The following CNBD1 variants were observed in gnomAD, a reference collection of about 807,000 sequenced individuals.
CNBD1 encodes the protein cyclic nucleotide binding domain containing 1, also known as cyclic nucleotide-binding domain-containing protein 1.
In CNBD1, 71 loss-of-function variants were observed where a neutral mutation model predicts 54.4. That is an observed-to-expected ratio of 1.30 (90% confidence interval 1.08 to 1.59). The LOEUF (loss-of-function observed/expected upper bound fraction) is 1.59, where lower values mean the gene tolerates loss of function less well. CNBD1 is among the 40% of genes most tolerant of loss of function. CNBD1 has a pLI of 0.00. For missense variants in CNBD1, 659 were observed against 518.0 expected (o/e 1.27, Z -2.64); for synonymous variants, 182 against 170.7 (o/e 1.07, Z -0.51).
chr8:87,137,143 T>C (rs1812269315), intron 4 of CNBD1, among the ~76,000 whole-genome samples: 1 of 138,848 alleles, frequency 7.2e-6, no homozygotes, highest in Non-Finnish European at 1.5e-5. Flanking sequence ...AAATTATATA[T>C]ATATTTTTAT....
At chr8:87,063,356 A>G (rs538584109) in intron 4 of CNBD1, among the ~76,000 whole-genome samples, 6 of 152,342 alleles carry the variant, frequency 3.9e-5, no homozygotes, top group African/African-American at 1.4e-4. Flanking sequence ...TGGATATCCA[A>G]TTGCCCCAGC....
At chr8:87,366,685 A>G (rs1810649285) in intron 10 of CNBD1, among the ~76,000 whole-genome samples, 1 of 152,002 alleles carries the variant, frequency 6.6e-6, no homozygotes, top group Non-Finnish European at 1.5e-5. Flanking sequence ...CTGCTACCAT[A>G]GTGCTGGAGG....
At chr8:87,120,210 T>C (rs1182332084) in intron 4 of CNBD1, among the ~76,000 whole-genome samples, 1 of 152,068 alleles carries the variant, frequency 6.6e-6, no homozygotes, top group Non-Finnish European at 1.5e-5. Context: ...GGTTCTGGGC[T>C]TTTCTTTTTT....
chr8:86,919,104 T>G (rs1269807090), intron 3 of CNBD1, among the ~76,000 whole-genome samples: 1 of 151,982 alleles, frequency 6.6e-6, no homozygotes, highest in Non-Finnish European at 1.5e-5. Flanking sequence ...TCAACAAGAC[T>G]GAAAAATAAA....
At chr8:87,039,667 C>T (rs1411476281) in intron 4 of CNBD1, among the ~76,000 whole-genome samples, 1 of 152,200 alleles carries the variant, frequency 6.6e-6, no homozygotes, top group Admixed American at 6.5e-5. Flanking sequence ...TCATGCAGGG[C>T]TGGCTGTGCT....
At chr8:86,898,283 T>C (rs1015126366) in intron 2 of CNBD1, among the ~76,000 whole-genome samples, 1 of 152,154 alleles carries the variant, frequency 6.6e-6, no homozygotes, top group Non-Finnish European at 1.5e-5. Flanking sequence ...AAAAGTTCAA[T>C]GTTAAGTGAT....
chr8:87,378,100 A>G (rs1236303550), intron 10 of CNBD1, among the ~76,000 whole-genome samples: 27 of 143,606 alleles, frequency 1.9e-4, no homozygotes, highest in Admixed American at 1.1e-3. Flanking sequence ...CCATTTTGTA[A>G]GTTGCCTGTT....
At chr8:87,338,976 A>G (rs1810009379) in intron 8 of CNBD1, among the ~76,000 whole-genome samples, 1 of 152,100 alleles carries the variant, frequency 6.6e-6, no homozygotes, top group Non-Finnish European at 1.5e-5. Context: ...TGTGCTTCAC[A>G]GTTTTCTCTT....
At chr8:86,930,367 G>A (rs1809436371) in intron 3 of CNBD1, among the ~76,000 whole-genome samples, 1 of 152,162 alleles carries the variant, frequency 6.6e-6, no homozygotes, top group Admixed American at 6.5e-5. Flanking sequence ...GTAGCCTGCT[G>A]GCAGGAGGCT....
intron 4 of CNBD1, among the ~76,000 whole-genome samples, chr8:87,089,903 A>G (rs148046724): frequency 1.4e-4 from 22 of 152,276 alleles, no homozygotes; most frequent in African/African-American, 5.1e-4. Flanking sequence ...AAAATTAGAT[A>G]TTCAGATACC....
chr8:86,972,821 A>G (rs974140708), intron 4 of CNBD1, among the ~76,000 whole-genome samples: 11 of 152,260 alleles, frequency 7.2e-5, no homozygotes, highest in African/African-American at 2.6e-4. Flanking sequence ...CTGTTAGACG[A>G]GGTTGGCTGT....
At chr8:87,323,170 G>A (rs1438633067) in intron 8 of CNBD1, among the ~76,000 whole-genome samples, 2 of 123,928 alleles carry the variant, frequency 1.6e-5, no homozygotes, top group African/African-American at 6.2e-5. Flanking sequence ...CTATATCTCT[G>A]TTTTGGTACC....
chr8:87,389,625 T>C lies in CNBD1; in HGVS notation c.213+35839T>C, dbSNP rs187320620. On this transcript the variant is annotated intron_variant, in intron 2 of 7. Coordinates refer to the CNBD1 transcript ENST00000521593. ...GAGGATACAAACAAATGGAAGAACA[T>C]TCCATGCCCATGGGTAGGAAGAATC... 7.2e-3 allele frequency among the ~76,000 whole-genome samples: 1,091 copies of C among 152,214 alleles called. 12 individuals are homozygous for C. The highest frequency in any genetic ancestry group is 0.025 in the African/African-American group (1,029 of 41,534).
Position 87,059,632 on chromosome 8 carries a change from A to G in CNBD1, c.431+119878A>G, listed in dbSNP as rs147518276. Among the ~76,000 whole-genome samples, 140 of 152,308 alleles carry G rather than the reference A, an allele frequency of 9.2e-4. 1 individual carries two copies. In the South Asian group the frequency reaches 9.3e-3, roughly 10 times the overall value. ...GGTTGGGGAAGCCCCTTATAAAACCATCAGATCTTGTGAGAACTCACTCAC... is the reference window on the plus strand; with the variant it reads ...GGTTGGGGAAGCCCCTTATAAAACCGTCAGATCTTGTGAGAACTCACTCAC... On this transcript the variant is annotated intron_variant, in intron 4 of 10. Transcript: ENST00000518476.
chr8:87,376,429 G>A (rs1390478696), intron 10 of CNBD1, among the ~76,000 whole-genome samples: 1 of 151,770 alleles, frequency 6.6e-6, no homozygotes, highest in Non-Finnish European at 1.5e-5. Context: ...CCGTCACATT[G>A]GACGTTAGGA....
chr8:87,248,388 A>G (rs1807848845), intron 6 of CNBD1, among the ~76,000 whole-genome samples: 1 of 152,224 alleles, frequency 6.6e-6, no homozygotes, highest in Non-Finnish European at 1.5e-5. Flanking sequence ...CAGTAGTAAA[A>G]GACTTCCTAG....
chr8:87,363,424 C>T (rs1586047781), intron 10 of CNBD1, among the ~76,000 whole-genome samples: 1 of 152,134 alleles, frequency 6.6e-6, no homozygotes, highest in East Asian at 1.9e-4. Context: ...AATTGTCACA[C>T]TGTCTTCCAC....
intron 10 of CNBD1, among the ~76,000 whole-genome samples, chr8:87,357,865 C>T (rs1563567958): frequency 6.6e-6 from 1 of 152,088 alleles, no homozygotes; most frequent in Non-Finnish European, 1.5e-5. Context: ...GAGGTGGGGA[C>T]TGGTGAGGGG....
intron 10 of CNBD1, among the ~76,000 whole-genome samples, chr8:87,357,238 G>A (rs573090982): frequency 1.3e-5 from 2 of 152,192 alleles, no homozygotes; most frequent in African/African-American, 4.8e-5. Context: ...AGTCCCCATT[G>A]GGGCACTGCC....
Sources: gnomAD v4.1 joint callset for allele counts (sites outside exome capture counted in the v4.1 genomes callset) on GRCh38, gnomAD v4.1.1 for gene constraint, MANE v1.5 for transcripts, NCBI Gene and HGNC (gene_info 2026-07-23, HGNC 2026-07-21) for gene names.